LPIN1: variants seen among roughly 807,000 people sequenced by gnomAD.
LPIN1 encodes phosphatidate phosphatase LPIN1.
LPIN1 carries 71 observed loss-of-function variants against 107.5 expected under a neutral mutation model. That is an observed-to-expected ratio of 0.66 (90% CI 0.55 to 0.80). LPIN1 has a LOEUF of 0.80. Ranked by LOEUF, LPIN1 falls within the 30% of genes least tolerant of loss-of-function variation. The pLI, the probability that LPIN1 is intolerant of heterozygous loss-of-function variation, is 0.00. For missense variants in LPIN1, 1,043 were observed against 1,160.6 expected (o/e 0.90, Z 1.47); for synonymous variants, 445 against 452.6 (o/e 0.98, Z 0.21).
chr2:11,720,097 C>T (rs1408271956), upstream of LPIN1, among the ~76,000 whole-genome samples: 2 of 152,146 alleles, frequency 1.3e-5, no homozygotes, highest in African/African-American at 2.4e-5. Context: ...TCCTAGACTA[C>T]AGAAGTCTCT....
chr2:11,710,571 C>T lies in LPIN1; in HGVS notation c.82-3185C>T, dbSNP rs561661661. On this transcript the variant is annotated intron_variant, in intron 1 of 21. Transcript: ENST00000449576. Reference sequence around the variant, plus strand: ...GAATCTTCCACTTCATGACCTTCATCCAGGAGTAGCCACTGACATCTGTAT... The same window carrying T: ...GAATCTTCCACTTCATGACCTTCATTCAGGAGTAGCCACTGACATCTGTAT... Among the ~76,000 whole-genome samples the T allele has an allele frequency of 3.3e-5, 5 of 152,298 alleles. No homozygotes were observed. In the South Asian group the frequency reaches 1.0e-3, roughly 32 times the overall value.
intron 1 of LPIN1, among the ~76,000 whole-genome samples, chr2:11,738,398 A>AAAG (rs1332263831): frequency 6.8e-6 from 1 of 147,820 alleles, no homozygotes; most frequent in African/African-American, 2.6e-5. Context: ...AAAAAAAAAA[A>AAAG]AAGAAGAAGA....
intron 10 of LPIN1, 64 bp from the exon 11 acceptor site, chr2:11,787,010 A>C: frequency 1.1e-3 from 1,037 of 925,820 alleles, no homozygotes; most frequent in Non-Finnish European, 1.7e-3. Context: ...AATGAAAGGT[A>C]GGCCTAATTT....
chr2:11,802,564 GGAAGA>G (rs1224081160), intron 14 of LPIN1, among the ~76,000 whole-genome samples: 2 of 152,160 alleles, frequency 1.3e-5, no homozygotes, highest in African/African-American at 4.8e-5. Flanking sequence ...GTCTCAGATA[GGAAGA>G]GAAGAGAGAC....
At chr2:11,677,580 G>T, upstream of LPIN1, 1 of 1,195,974 alleles carries the variant, frequency 8.4e-7, no homozygotes. Context: ...TTCTGAGCCG[G>T]TGTTGCCGGG....
chr2:11,779,484 T>A (rs759704418), intron 6 of LPIN1, 35 bp from the exon 7 acceptor site: 1 of 1,610,836 alleles, frequency 6.2e-7, no homozygotes, highest in Middle Eastern at 2.1e-4. Flanking sequence ...AAGTTTCTTT[T>A]CCCACCTTAA....
At chr2:11,703,672 G>A (rs1251493479) in intron 1 of LPIN1, among the ~76,000 whole-genome samples, 1 of 151,972 alleles carries the variant, frequency 6.6e-6, no homozygotes, top group Non-Finnish European at 1.5e-5. Flanking sequence ...GACACAACTA[G>A]TCTGTCCTCA....
intron 4 of LPIN1, among the ~76,000 whole-genome samples, 196 bp from the exon 5 acceptor site, chr2:11,773,424 A>G (rs1245505365): frequency 6.6e-6 from 1 of 152,160 alleles, no homozygotes; most frequent in Non-Finnish European, 1.5e-5. Flanking sequence ...AATTCGGCCA[A>G]AGCATTAGCA....
intron 18 of LPIN1, 23 bp from the exon 19 acceptor site, chr2:11,819,461 T>A (rs1242120742): frequency 7.1e-7 from 1 of 1,417,734 alleles, no homozygotes; most frequent in Non-Finnish European, 1.0e-6. Context: ...CTCATGTTAA[T>A]CTGTTATTTA....
rs185001733 is a variant in LPIN1 at position 11,764,838 on chromosome 2, C to G, written c.-9-695C>G. Among the ~76,000 whole-genome samples, 274 of 152,326 alleles carry G rather than the reference C, an allele frequency of 1.8e-3. 3 individuals carry two copies. The highest frequency in any genetic ancestry group is 6.5e-4 in the Admixed American group (10 of 15,304). Reference sequence around the variant, plus strand: ...GATTTAGTGTGCAAAACCTGTCCATCATGACAGAAGAAGGGGCAGGTGGCA... The same window carrying G: ...GATTTAGTGTGCAAAACCTGTCCATGATGACAGAAGAAGGGGCAGGTGGCA... On this transcript the variant is annotated intron_variant, in intron 1 of 20. Coordinates refer to ENST00000674199, the MANE Select transcript of LPIN1 (RefSeq NM_001349206.2).
intron 13 of LPIN1, among the ~76,000 whole-genome samples, chr2:11,794,864 C>T (rs1676394278): frequency 6.6e-6 from 1 of 152,156 alleles, no homozygotes; most frequent in Non-Finnish European, 1.5e-5. Flanking sequence ...AAATGACTTG[C>T]CCAAAGTTTG....
chr2:11,702,753 T>C (rs1662935112), intron 1 of LPIN1, among the ~76,000 whole-genome samples: 1 of 152,212 alleles, frequency 6.6e-6, no homozygotes, highest in African/African-American at 2.4e-5. Flanking sequence ...TATCTCTCTG[T>C]CTCTGCTTCT....
At chr2:11,763,964 A>AGTGTGTGT (rs143711712) in intron 1 of LPIN1, among the ~76,000 whole-genome samples, 3,620 of 134,004 alleles carry the variant, frequency 0.027, 92 homozygotes, top group African/African-American at 0.063. Context: ...CATATATTTT[A>AGTGTGTGT]GTGTGTGTGT....
chr2:11,769,163 C>G (rs1671459806), intron 3 of LPIN1, among the ~76,000 whole-genome samples: 1 of 152,250 alleles, frequency 6.6e-6, no homozygotes, highest in Non-Finnish European at 1.5e-5. Context: ...TACAAAGCAG[C>G]TGTTCCATTT....
chr2:11,718,525 T>G (rs1663904402), intron 2 of LPIN1, among the ~76,000 whole-genome samples: 1 of 152,196 alleles, frequency 6.6e-6, no homozygotes. Flanking sequence ...GGAGATATAC[T>G]TTGAATGCTT....
chr2:11,825,790 T>C lies in LPIN1; in HGVS notation c.*999T>C, dbSNP rs1055537003. On this transcript the variant is annotated 3_prime_UTR_variant, in exon 21 of 21. Coordinates refer to ENST00000674199, the MANE Select transcript of LPIN1 (RefSeq NM_001349206.2). The surrounding 1 kb of genome is among the most constrained non-coding windows in gnomAD (Gnocchi z 4.1). Reference sequence around the variant, plus strand: ...TTCAACTATATTCTTTTAGATATTATGTATTGTTTTACTCTGATTAGGTTA... The same window carrying C: ...TTCAACTATATTCTTTTAGATATTACGTATTGTTTTACTCTGATTAGGTTA... 6.6e-6 allele frequency: 1 copy of C among 152,256 alleles called. No individual in the cohort carries two copies. The highest frequency in any genetic ancestry group is 1.5e-5 in the Non-Finnish European group (1 of 68,048). 9.4% of individuals were successfully genotyped at this position (152,256 alleles called of 1,614,324 possible).
chr2:11,707,765 C>T lies in LPIN1; in HGVS notation c.82-5991C>T, dbSNP rs2148521005. Among the ~76,000 whole-genome samples, 1 of 152,250 alleles carries T rather than the reference C, an allele frequency of 6.6e-6. No homozygotes were observed. The highest frequency in any genetic ancestry group is 1.5e-5 in the Non-Finnish European group (1 of 67,998). On this transcript the variant is annotated intron_variant, in intron 1 of 21. Transcript: ENST00000449576. This position sits in a 1 kb window ranked among gnomAD's most constrained non-coding sequence, Gnocchi z 4.2. ...TGGGGCCTGTCCCAACCAAGCGCTG[C>T]TGCTTCTGTGAGCACCACAGGTGCT...
intron 1 of LPIN1, among the ~76,000 whole-genome samples, chr2:11,759,334 C>A (rs1416265288): frequency 1.3e-5 from 2 of 151,994 alleles, no homozygotes; most frequent in Non-Finnish European, 2.9e-5. Flanking sequence ...CTGGGGCCTT[C>A]CGCAGTGTTT....
intron 17 of LPIN1, among the ~76,000 whole-genome samples, chr2:11,813,760 C>G (rs1680087615): frequency 6.6e-6 from 1 of 151,730 alleles, no homozygotes; most frequent in Non-Finnish European, 1.5e-5. Flanking sequence ...ATAAAAAATA[C>G]AAAAATTAGC....
Sources: gnomAD v4.1 joint callset for allele counts (sites outside exome capture counted in the v4.1 genomes callset) on GRCh38, gnomAD v4.1.1 for gene constraint, Gnocchi (gnomAD v3.1) non-coding constraint, MANE v1.5 for transcripts, NCBI Gene and HGNC (gene_info 2026-07-23, HGNC 2026-07-21) for gene names.